The following PI4KB variants were observed in gnomAD, a reference collection of about 807,000 sequenced individuals.
The protein encoded by PI4KB is phosphatidylinositol 4-kinase beta, also known as PtdIns 4-kinase beta.
In PI4KB, 23 loss-of-function variants were observed where a neutral mutation model predicts 81.4. The observed-to-expected ratio is 0.28, with a 90% CI of 0.20 to 0.40. PI4KB has a LOEUF of 0.40. PI4KB is among the 10% of genes least tolerant of loss of function. PI4KB has a pLI of 1.00. For synonymous variants in PI4KB, 381 were observed against 406.8 expected (o/e 0.94, Z 0.76); for missense variants, 651 against 1,036.6 (o/e 0.63, Z 5.11).
rs145012777 is a variant in PI4KB, at chr1:151,318,711, CAAATAAATAAAT to C, written c.-28-2214_-28-2203del. 1.6e-4 allele frequency among the ~76,000 whole-genome samples: 24 copies of C among 147,666 alleles called. 1 individual carries two copies. Among genetic ancestry groups the C allele is most frequent in the Admixed American group, 4.1e-4 (6 of 14,804 alleles). The stretch of plus-strand genomic sequence containing the variant: ...TGGGCAACAGAGCGAAACTCTGTCT[CAAATAAATAAAT>C]AAATAAATAAATAAATAAAATTAAA... On this transcript the variant is annotated intron_variant, in intron 1 of 11. Transcript: ENST00000368873.
intron 11 of PI4KB, chr1:151,293,692 G>C (rs761991395): frequency 1.9e-4 from 64 of 330,658 alleles, no homozygotes; most frequent in Non-Finnish European, 2.7e-4. Context: ...GGAGAAGACA[G>C]ATGGAAGGAG....
chr1:151,323,412 C>T (rs1259780925), intron 1 of PI4KB, among the ~76,000 whole-genome samples: 1 of 150,362 alleles, frequency 6.7e-6, no homozygotes, highest in Non-Finnish European at 1.5e-5. Flanking sequence ...GAGGCTGAGG[C>T]AGAACAATCG....
intron 4 of PI4KB, 43 bp from the exon 5 acceptor site, chr1:151,306,406 C>G: frequency 1.6e-6 from 2 of 1,250,788 alleles, no homozygotes; most frequent in Non-Finnish European, 2.4e-6. Flanking sequence ...ACTTCCACCA[C>G]TAACCCCCAA....
intron 1 of PI4KB, among the ~76,000 whole-genome samples, chr1:151,325,874 G>C (rs1649532991): frequency 6.6e-6 from 1 of 152,172 alleles, no homozygotes; most frequent in Non-Finnish European, 1.5e-5. Flanking sequence ...GATGCCTACA[G>C]AGAGTGGGCA....
At chr1:151,306,095 A>C (rs1195530600) in intron 5 of PI4KB, 41 bp downstream of exon 5, 2 of 1,505,366 alleles carry the variant, frequency 1.3e-6, no homozygotes, top group Non-Finnish European at 1.8e-6. Context: ...TCCTGGAGAA[A>C]GCTCCTGTGA....
chr1:151,312,601 A>G (rs1360546344), intron 2 of PI4KB, among the ~76,000 whole-genome samples: 2 of 152,168 alleles, frequency 1.3e-5, no homozygotes, highest in East Asian at 1.9e-4. Context: ...GACATTGTAC[A>G]AAGTCAATAA....
chr1:151,319,059 T>C (rs1436356139), intron 1 of PI4KB, among the ~76,000 whole-genome samples: 2 of 152,230 alleles, frequency 1.3e-5, no homozygotes, highest in Admixed American at 6.5e-5. Context: ...ATGCAAGCCA[T>C]TTATCCTCAA....
chr1:151,294,251 T>G, intron 10 of PI4KB, 113 bp from the exon 11 acceptor site: 7 of 1,493,196 alleles, frequency 4.7e-6, no homozygotes, highest in Non-Finnish European at 5.4e-6. Context: ...TATTTCCCCC[T>G]TCCTTATTGG....
Position 151,306,247 on chromosome 1 carries a change from G to A in PI4KB, c.1299C>T (p.Pro433=), listed in dbSNP as rs764752078. 15 of 1,614,082 alleles carry A rather than the reference G, an allele frequency of 9.3e-6. No individual in the cohort carries two copies. Among genetic ancestry groups the A allele is most frequent in the East Asian group, 2.2e-5 (1 of 44,882 alleles). Reference sequence around the variant, plus strand: ...GCTGCTCATGGGTAATACCACATTCGGGCAAGTTTTCTACGGACCTCGTAC... The same window carrying A: ...GCTGCTCATGGGTAATACCACATTCAGGCAAGTTTTCTACGGACCTCGTAC... ...IRSTRSVENL[P]ECGITHEQRA... is the part of the protein sequence containing the mutation. The change falls in exon 5 of 12, where the codon CCC becomes CCT. Residue 433 remains proline (P), a synonymous_variant. Transcript: ENST00000368873.
intron 4 of PI4KB, among the ~76,000 whole-genome samples, chr1:151,307,091 T>C (rs1695836939): frequency 6.6e-6 from 1 of 151,946 alleles, no homozygotes; most frequent in Admixed American, 6.6e-5. Context: ...AAAAGAAGAA[T>C]CTGAACCATG....
chr1:151,310,842 T>A (rs1428868183), intron 2 of PI4KB, among the ~76,000 whole-genome samples: 1 of 152,114 alleles, frequency 6.6e-6, no homozygotes, highest in African/African-American at 2.4e-5. Context: ...TGAACCTCTG[T>A]GACAAAGAGC....
Position 151,316,291 on chromosome 1 carries a change from C to T in PI4KB, c.191G>A (p.Gly64Glu). Residue 64 changes from glycine (G) to glutamate (E), a missense_variant, in exon 2 of 12, where the codon GGA becomes GAA. By Grantham distance (98) the Gly-to-Glu change is moderately conservative. Coordinates refer to ENST00000368873, the MANE Select transcript of PI4KB (RefSeq NM_001369623.2). ...EVLEKVKLLH[G>E]GVAVSSRGTP... ...GCCTCTGCTAGAGACTGCCACGCCT[C>T]CATGCAAAAGCTTGACTTTCTCCAA... 6.2e-7 allele frequency: 1 copy of T among 1,614,230 alleles called. No individual in the cohort carries two copies. The highest frequency in any genetic ancestry group is 1.6e-4 in the Middle Eastern group (1 of 6,062).
chr1:151,310,147 G>A (rs1696093436), intron 3 of PI4KB, 64 bp downstream of exon 3: 4 of 1,178,254 alleles, frequency 3.4e-6, no homozygotes, highest in Non-Finnish European at 3.8e-6. Flanking sequence ...GAAGACCTGG[G>A]GACGGAGAGG....
intron 11 of PI4KB, chr1:151,293,345 G>A: frequency 7.4e-7 from 1 of 1,358,562 alleles, no homozygotes; most frequent in Non-Finnish European, 9.7e-7. Context: ...AGTGGGCCCT[G>A]AGCTGGGCAC....
At chr1:151,311,881 G>C (rs947344946) in intron 2 of PI4KB, among the ~76,000 whole-genome samples, 1 of 152,238 alleles carries the variant, frequency 6.6e-6, no homozygotes, top group Non-Finnish European at 1.5e-5. Flanking sequence ...TCTGTACAAA[G>C]GTTGCAGTCC....
intron 6 of PI4KB, among the ~76,000 whole-genome samples, chr1:151,302,713 G>T (rs1296460159): frequency 6.6e-6 from 1 of 150,944 alleles, no homozygotes; most frequent in Non-Finnish European, 1.5e-5. Context: ...GAGTAGCTGG[G>T]ACTACAGGCG....
chr1:151,295,737 C>A (rs779054736), intron 9 of PI4KB, among the ~76,000 whole-genome samples: 6 of 152,170 alleles, frequency 3.9e-5, no homozygotes, highest in African/African-American at 1.4e-4. Context: ...TTATCAGCTA[C>A]CTGCCCTCCT....
intron 6 of PI4KB, among the ~76,000 whole-genome samples, chr1:151,302,630 T>G (rs1695388278): frequency 6.7e-6 from 1 of 150,206 alleles, no homozygotes; most frequent in Non-Finnish European, 1.5e-5. Context: ...CAGGCTGGAG[T>G]GCAGTGGCGA....
chr1:151,312,973 G>A (rs1647339271), intron 2 of PI4KB, among the ~76,000 whole-genome samples: 1 of 152,184 alleles, frequency 6.6e-6, no homozygotes, highest in South Asian at 2.1e-4. Context: ...AGCTATGACT[G>A]TGCCACTGCA....
Sources: gnomAD v4.1 joint callset for allele counts (sites outside exome capture counted in the v4.1 genomes callset) on GRCh38, gnomAD v4.1.1 for gene constraint, MANE v1.5 for transcripts, NCBI Gene and HGNC (gene_info 2026-07-23, HGNC 2026-07-21) for gene names.